NTNG1: variants seen among roughly 807,000 people sequenced by gnomAD.
NTNG1 encodes netrin-G1.
In NTNG1, 16 loss-of-function variants were observed where a neutral mutation model predicts 54.0. The ratio of observed to expected loss-of-function variants is 0.30; its 90% CI spans 0.20 to 0.45. The LOEUF (loss-of-function observed/expected upper bound fraction) is 0.45, where lower values mean the gene tolerates loss of function less well. Ranked by LOEUF, NTNG1 falls within the 20% of genes least tolerant of loss-of-function variation. The pLI, the probability that NTNG1 is intolerant of heterozygous loss-of-function variation, is 1.00. For synonymous variants in NTNG1, 255 were observed against 263.1 expected, an observed-to-expected ratio of 0.97 and a Z score of 0.30; for missense variants, 530 against 678.7, an observed-to-expected ratio of 0.78 and a Z score of 2.43.
At chr1:107,337,026 G>C (rs531550334) in intron 3 of NTNG1, among the ~76,000 whole-genome samples, 1 of 151,962 alleles carries the variant, frequency 6.6e-6, no homozygotes, top group African/African-American at 2.4e-5. Context: ...TAATGAAATG[G>C]TACAGACACT....
chr1:107,290,382 A>G (rs531794526), intron 2 of NTNG1, among the ~76,000 whole-genome samples: 25 of 152,300 alleles, frequency 1.6e-4, no homozygotes, highest in African/African-American at 5.8e-4. Flanking sequence ...AAGAGTATGG[A>G]GATAGAAAGG....
intron 2 of NTNG1, among the ~76,000 whole-genome samples, chr1:107,321,172 A>T (rs1667642033): frequency 6.6e-6 from 1 of 152,096 alleles, no homozygotes; most frequent in Non-Finnish European, 1.5e-5. Context: ...ATAACACATT[A>T]TGCTTGTTTG....
Position 107,363,937 on chromosome 1 carries a change from T to C in NTNG1, c.888-31217T>C, listed in dbSNP as rs780996319. Among the ~76,000 whole-genome samples the C allele has an allele frequency of 3.3e-5, 5 of 152,164 alleles. 1 individual carries two copies. In the South Asian group the frequency reaches 6.2e-4, roughly 19 times the overall value. ...TTTGTGTTGTTGGTCTAGGTAACAT[T>C]TGGGGGAAAAAGAACTGTCTCTTTT... On this transcript the variant is annotated intron_variant, in intron 3 of 7. Transcript: ENST00000370068.
chr1:107,212,845 C>A (rs1279253654), intron 2 of NTNG1, among the ~76,000 whole-genome samples: 1 of 151,932 alleles, frequency 6.6e-6, no homozygotes, highest in Admixed American at 6.6e-5. Flanking sequence ...ACTTTGTGCT[C>A]AGTATATATC....
intron 7 of NTNG1, among the ~76,000 whole-genome samples, chr1:107,467,855 T>C (rs1677706606): frequency 6.6e-6 from 1 of 152,248 alleles, no homozygotes; most frequent in South Asian, 2.1e-4. Context: ...TAGCAGTCAT[T>C]TTTACTTGGA....
intron 2 of NTNG1, among the ~76,000 whole-genome samples, chr1:107,257,074 C>G (rs1055937929): frequency 6.6e-6 from 1 of 151,940 alleles, no homozygotes; most frequent in Non-Finnish European, 1.5e-5. Context: ...TTTTATCATG[C>G]TAAATTAGAA....
At chr1:107,183,913 T>C (rs1657253929) in intron 2 of NTNG1, among the ~76,000 whole-genome samples, 1 of 152,116 alleles carries the variant, frequency 6.6e-6, no homozygotes, top group Non-Finnish European at 1.5e-5. Context: ...TCCCCCTCCC[T>C]TTTCCTGCCA....
intron 2 of NTNG1, among the ~76,000 whole-genome samples, chr1:107,191,013 C>T (rs1657872252): frequency 6.6e-6 from 1 of 152,208 alleles, no homozygotes; most frequent in East Asian, 1.9e-4. Context: ...CTGACTTCCA[C>T]AATGGTTGAA....
chr1:107,353,450 T>C (rs1669750358), intron 3 of NTNG1, among the ~76,000 whole-genome samples: 1 of 152,194 alleles, frequency 6.6e-6, no homozygotes, highest in African/African-American at 2.4e-5. Context: ...TTACTCCTGT[T>C]CCCAATGACT....
chr1:107,347,358 T>G (rs1177321167), intron 3 of NTNG1, among the ~76,000 whole-genome samples: 1 of 151,882 alleles, frequency 6.6e-6, no homozygotes, highest in East Asian at 1.9e-4. Flanking sequence ...TAGAAAACAT[T>G]AGAAAAATTA....
chr1:107,236,639 G>A (rs1179399256), intron 2 of NTNG1, among the ~76,000 whole-genome samples: 2 of 152,176 alleles, frequency 1.3e-5, no homozygotes, highest in Non-Finnish European at 2.9e-5. Context: ...ATGTGTTGTG[G>A]GAAGGACTCA....
At chr1:107,147,146 T>C (rs1654182833) in intron 1 of NTNG1, among the ~76,000 whole-genome samples, 1 of 152,102 alleles carries the variant, frequency 6.6e-6, no homozygotes, top group Non-Finnish European at 1.5e-5. Context: ...CTTGTAGCCA[T>C]AGTTATGTAG....
Position 107,263,759 on chromosome 1 carries a change from G to T in NTNG1, c.247-60523G>T, listed in dbSNP as rs371644641. On this transcript the variant is annotated intron_variant, in intron 2 of 7. Transcript: ENST00000370068. Reference sequence around the variant, plus strand: ...GAAGTATTTGAGAGTTATGCTCACGGCACTTGCCTTTATTAATTTTATGAA... The same window carrying T: ...GAAGTATTTGAGAGTTATGCTCACGTCACTTGCCTTTATTAATTTTATGAA... Among the ~76,000 whole-genome samples the T allele has an allele frequency of 2.0e-5, 3 of 152,208 alleles. No homozygotes were observed. The East Asian group carries it at 5.8e-4, about 29-fold the overall frequency.
At chr1:107,152,883 C>T (rs1421693241) in intron 2 of NTNG1, among the ~76,000 whole-genome samples, 5 of 151,960 alleles carry the variant, frequency 3.3e-5, no homozygotes, top group Non-Finnish European at 7.4e-5. Flanking sequence ...ATTATGTTTA[C>T]TGAAATAATT....
At chr1:107,157,428 C>G (rs1349133295) in intron 2 of NTNG1, among the ~76,000 whole-genome samples, 1 of 152,146 alleles carries the variant, frequency 6.6e-6, no homozygotes, top group Non-Finnish European at 1.5e-5. Context: ...ATTTGTACTT[C>G]TACCAGCATG....
intron 3 of NTNG1, among the ~76,000 whole-genome samples, chr1:107,360,076 G>A (rs1670174582): frequency 6.6e-6 from 1 of 152,138 alleles, no homozygotes; most frequent in Admixed American, 6.5e-5. Flanking sequence ...GTCTTATACA[G>A]GGTCTGCTTA....
intron 2 of NTNG1, among the ~76,000 whole-genome samples, chr1:107,278,482 T>A (rs1452104967): frequency 6.6e-6 from 1 of 152,162 alleles, no homozygotes; most frequent in Non-Finnish European, 1.5e-5. Context: ...TTATTTTGTG[T>A]TTATTACTTT....
chr1:107,436,975 G>A (rs1297108938), intron 7 of NTNG1, among the ~76,000 whole-genome samples, 176 bp downstream of exon 7: 1 of 152,126 alleles, frequency 6.6e-6, no homozygotes, highest in African/African-American at 2.4e-5. Context: ...CTGTCCAACT[G>A]GCTTTTTTGA....
chr1:107,141,401 C>A (rs1233466297), intron 1 of NTNG1: 5 of 149,986 alleles, frequency 3.3e-5, no homozygotes, highest in Non-Finnish European at 7.4e-5. Context: ...CTGCGCAGGG[C>A]CGCCGCCCCG....
Sources: allele counts gnomAD v4.1 joint callset (sites outside exome capture counted in the v4.1 genomes callset), GRCh38; gene constraint gnomAD v4.1.1; transcripts MANE v1.5; gene names NCBI Gene and HGNC (gene_info 2026-07-23, HGNC 2026-07-21).